RGL2: variants seen among roughly 807,000 people sequenced by gnomAD.
RGL2 encodes the protein ral guanine nucleotide dissociation stimulator-like 2.
Under a neutral mutation model 84.6 loss-of-function variants are expected in RGL2, and 40 were observed. The observed-to-expected ratio is 0.47, with a 90% CI of 0.37 to 0.62. The LOEUF (loss-of-function observed/expected upper bound fraction) is 0.62, where lower values mean the gene tolerates loss of function less well. RGL2 is among the 20% of genes least tolerant of loss of function. The pLI, the probability that RGL2 is intolerant of heterozygous loss-of-function variation, is 0.00. For missense variants in RGL2, 865 were observed against 1,019.7 expected, an observed-to-expected ratio of 0.85 and a Z score of 2.07; for synonymous variants, 369 against 417.3, an observed-to-expected ratio of 0.88 and a Z score of 1.41.
rs750044769 is a variant in RGL2 at position 33,296,004 on chromosome 6, A to T, written c.768+24T>A. 1 of 1,613,072 alleles carries T rather than the reference A, an allele frequency of 6.2e-7. No homozygotes were observed. Among genetic ancestry groups the T allele is most frequent in the Non-Finnish European group, 8.5e-7 (1 of 1,179,622 alleles). ...AGGTTAGTAAGGGGTCAGGGGGCAT[A>T]GGGGCCAGAGGTCAGGGTCTCACCG... On this transcript the variant is annotated intron_variant, in intron 6 of 17. Coordinates refer to ENST00000497454, the MANE Select transcript of RGL2 (RefSeq NM_004761.5). The surrounding 1 kb of genome is among the most constrained non-coding windows in gnomAD (Gnocchi z 5.0).
rs1282253859 is a variant in RGL2 at position 33,293,765 on chromosome 6, C to T, written c.1508+30G>A. ...CCAATCCCCCACACCTGGCCAGAAC[C>T]CTGGAGTCCCAACCTCACCCGCCAG... On this transcript the variant is annotated intron_variant, in intron 13 of 17. Coordinates refer to ENST00000497454, the MANE Select transcript of RGL2 (RefSeq NM_004761.5). This position sits in a 1 kb window ranked among gnomAD's most constrained non-coding sequence, Gnocchi z 7.0. 1 of 1,613,552 alleles carries T rather than the reference C, an allele frequency of 6.2e-7. No homozygotes were observed. Among genetic ancestry groups the T allele is most frequent in the Non-Finnish European group, 8.5e-7 (1 of 1,179,664 alleles).
chr6:33,296,302 G>A lies in RGL2; in HGVS notation c.494C>T (p.Thr165Ile). ...ATCCTCAGGGTGAGAGGCCAGCCAG[G>A]TTGACAGTACAGAGATGGCTACCCT... ...TTEVAISVLSTWLASHPEDFG... is the reference protein window; with the variant it reads ...TTEVAISVLSIWLASHPEDFG... Residue 165 changes from threonine (T) to isoleucine (I), a missense_variant, in exon 6 of 18, where the codon ACC becomes ATC. Around this residue, in one of 5 missense-constraint regions of RGL2, gnomAD observed 455 missense variants for 507.8 expected, o/e 0.90. Coordinates refer to ENST00000497454, the MANE Select transcript of RGL2 (RefSeq NM_004761.5). This position sits in a 1 kb window ranked among gnomAD's most constrained non-coding sequence, Gnocchi z 5.0. The A allele has an allele frequency of 6.2e-7, 1 of 1,613,132 alleles. No homozygotes were observed. The highest frequency in any genetic ancestry group is 1.3e-5 in the African/African-American group (1 of 75,064).
chr6:33,294,557 GA>G lies in RGL2; in HGVS notation c.1353+130del. 1.1e-6 allele frequency: 1 copy of G among 925,272 alleles called. No individual in the cohort carries two copies. The highest frequency in any genetic ancestry group is 1.6e-6 in the Non-Finnish European group (1 of 606,310). The allele number at this position is 925,272 out of a possible 1,614,324, so 57.3% of individuals were successfully genotyped here. A position where few individuals can be genotyped will look rare whatever the true frequency, so the allele number is the denominator to read the frequency against. ...CAGATCACTGAGGCGACTTGGCACAGAAACAGATCTGGCTCTGTCCCACACT... is the reference window on the plus strand; with the variant it reads ...CAGATCACTGAGGCGACTTGGCACAGAACAGATCTGGCTCTGTCCCACACT... On this transcript the variant is annotated intron_variant, in intron 11 of 17. Coordinates refer to ENST00000497454, the MANE Select transcript of RGL2 (RefSeq NM_004761.5). The surrounding 1 kb of genome is among the most constrained non-coding windows in gnomAD (Gnocchi z 5.0).
At position 33,295,940 on chromosome 6, in the gene RGL2, G is replaced by A. The variant is rs1407928798; in HGVS notation, c.768+88C>T. The A allele has an allele frequency of 6.5e-7, 1 of 1,526,764 alleles. No individual in the cohort carries two copies. Among genetic ancestry groups the A allele is most frequent in the Non-Finnish European group, 9.0e-7 (1 of 1,111,742 alleles). The allele number at this position is 1,526,764 out of a possible 1,614,324, so 94.6% of individuals were successfully genotyped here. A position where few individuals can be genotyped will look rare whatever the true frequency, so the allele number is the denominator to read the frequency against. On this transcript the variant is annotated intron_variant, in intron 6 of 17. Coordinates refer to ENST00000497454, the MANE Select transcript of RGL2 (RefSeq NM_004761.5). This position sits in a 1 kb window ranked among gnomAD's most constrained non-coding sequence, Gnocchi z 7.2. ...TGGAGGAGGCTAGGAGCTGGATCAG[G>A]AAGGGGTGGAAGCAAGGAAAGGATC...
upstream of RGL2, chr6:33,299,376 T>G (rs754909852): frequency 1.3e-5 from 2 of 152,170 alleles, no homozygotes; most frequent in Non-Finnish European, 2.9e-5. The surrounding 1 kb of genome is among the most constrained non-coding windows in gnomAD (Gnocchi z 5.0). Context: ...CGAATGTAGC[T>G]GACCGAAATC....
At position 33,296,782 on chromosome 6, in the gene RGL2, G is replaced by A; in HGVS notation, c.241-6C>T. The A allele has an allele frequency of 7.4e-6, 12 of 1,613,998 alleles. No individual in the cohort carries two copies. The highest frequency in any genetic ancestry group is 1.0e-5 in the Non-Finnish European group (12 of 1,180,020). On this transcript the variant is annotated splice_polypyrimidine_tract_variant and splice_region_variant and intron_variant, in intron 3 of 17. Coordinates refer to ENST00000497454, the MANE Select transcript of RGL2 (RefSeq NM_004761.5). The surrounding 1 kb of genome is among the most constrained non-coding windows in gnomAD (Gnocchi z 5.0). ...CGTGGGGGAGGCATAGGGACCTGGAGAACACAGAGAGATGATCGCTAACCC... is the reference window on the plus strand; with the variant it reads ...CGTGGGGGAGGCATAGGGACCTGGAAAACACAGAGAGATGATCGCTAACCC...
rs1369483556 is a variant in RGL2, at chr6:33,296,179, T to C, written c.617A>G (p.Asp206Gly). The change falls in exon 6 of 18, where the codon GAC becomes GGC. Residue 206 changes from aspartate (D) to glycine (G), a missense_variant. Asp to Gly is a moderately conservative substitution (Grantham distance 94). Around this residue, in one of 5 missense-constraint regions of RGL2, gnomAD observed 455 missense variants for 507.8 expected, o/e 0.90. Transcript: ENST00000497454. The surrounding 1 kb of genome is among the most constrained non-coding windows in gnomAD (Gnocchi z 5.0). ...AGKGVGGGSA[D>G]LIRNLRSRVD... ...CCGGGACCGGAGATTGCGGATGAGG[T>C]CAGCGCTGCCCCCCCCAACACCCTT... 3 of 1,613,716 alleles carry C rather than the reference T, an allele frequency of 1.9e-6. No individual in the cohort carries two copies. The highest frequency in any genetic ancestry group is 1.7e-5 in the Admixed American group (1 of 60,010).
intron 17 of RGL2, 56 bp from the exon 18 acceptor site, chr6:33,292,369 G>A (rs1050478192): frequency 1.4e-5 from 22 of 1,607,332 alleles, no homozygotes; most frequent in South Asian, 8.8e-5. Flanking sequence ...CCCCACAGCC[G>A]CCCAGATGTG....
upstream of RGL2, chr6:33,299,217 A>C (rs1393512190): frequency 6.6e-6 from 1 of 152,266 alleles, no homozygotes; most frequent in East Asian, 1.9e-4. This position sits in a 1 kb window ranked among gnomAD's most constrained non-coding sequence, Gnocchi z 5.0. Flanking sequence ...TAAAGATTCC[A>C]GTCTCCAGCC....
rs778296864 is a variant in RGL2, at chr6:33,296,274, A to G, written c.522T>C (p.Phe174=). The G allele has an allele frequency of 1.6e-5, 26 of 1,613,738 alleles. No homozygotes were observed. The Admixed American group carries it at 4.0e-4, about 25-fold the overall frequency. The change falls in exon 6 of 18, where the codon TTT becomes TTC. Residue 174 remains phenylalanine, a synonymous_variant. Transcript: ENST00000497454. The surrounding 1 kb of genome is among the most constrained non-coding windows in gnomAD (Gnocchi z 5.0). ...STWLASHPED[F]GSEAKGQLDR... is the part of the protein sequence containing the mutation. ...CAAGCTGACCCTTGGCCTCAGAGCC[A>G]AAATCCTCAGGGTGAGAGGCCAGCC...
At position 33,295,759 on chromosome 6, in the gene RGL2, C is replaced by G; in HGVS notation, c.769G>C (p.Glu257Gln). ...GAGGGGATCAAATTGAGAAAAAGTT[C>G]CTGCAGGGTAGAGGTCAGAGGTTAA... Reference protein sequence around the residue: ...LAEQLTLLDAELFLNLIPSQC... With the variant: ...LAEQLTLLDAQLFLNLIPSQC... Residue 257 changes from glutamate to glutamine, a missense_variant and splice_region_variant, in exon 7 of 18, where the codon GAA (glutamate) becomes CAA (glutamine). Coordinates refer to ENST00000497454, the MANE Select transcript of RGL2 (RefSeq NM_004761.5). This position sits in a 1 kb window ranked among gnomAD's most constrained non-coding sequence, Gnocchi z 7.2. 1.9e-6 allele frequency: 3 copies of G among 1,612,896 alleles called. No individual in the cohort carries two copies. Among genetic ancestry groups the G allele is most frequent in the African/African-American group, 2.7e-5 (2 of 75,014 alleles).
rs1768126766 is a variant in RGL2 at position 33,297,742 on chromosome 6, AGCCCCT to A, written c.157-633_157-628del. 1 of 152,402 alleles carries A rather than the reference AGCCCCT, an allele frequency of 6.6e-6. No individual in the cohort carries two copies. The highest frequency in any genetic ancestry group is 1.5e-5 in the Non-Finnish European group (1 of 68,252). The allele number at this position is 152,402 out of a possible 1,614,324, so 9.4% of individuals were successfully genotyped here. A position where few individuals can be genotyped will look rare whatever the true frequency, so the allele number is the denominator to read the frequency against. ...TAGACTCAGAGAGTCACGTGGCCCC[AGCCCCT>A]CCCCCGACCGATCCCGAAAAACCAG... is the stretch of plus-strand genomic sequence containing the variant. On this transcript the variant is annotated intron_variant, in intron 2 of 17. Transcript: ENST00000497454. This position sits in a 1 kb window ranked among gnomAD's most constrained non-coding sequence, Gnocchi z 4.0.
Position 33,293,773 on chromosome 6 carries a change from C to CA in RGL2, c.1508+21_1508+22insT. 6.2e-7 allele frequency: 1 copy of CA among 1,613,848 alleles called. No homozygotes were observed. The highest frequency in any genetic ancestry group is 8.5e-7 in the Non-Finnish European group (1 of 1,179,782). ...CCACACCTGGCCAGAACCCTGGAGT[C>CA]CCAACCTCACCCGCCAGTCACCTCT... On this transcript the variant is annotated intron_variant, in intron 13 of 17. Transcript: ENST00000497454. This position sits in a 1 kb window ranked among gnomAD's most constrained non-coding sequence, Gnocchi z 7.0.
Position 33,296,560 on chromosome 6 carries a change from C to A in RGL2, c.419+38G>T, listed in dbSNP as rs1466062205. Reference sequence around the variant, plus strand: ...ATGTTGCGGCTTTAGGAAATCCGGGCAGATACTCCACTACCCTGCGTCCCT... The same window carrying A: ...ATGTTGCGGCTTTAGGAAATCCGGGAAGATACTCCACTACCCTGCGTCCCT... On this transcript the variant is annotated intron_variant, in intron 4 of 17. Transcript: ENST00000497454. This position sits in a 1 kb window ranked among gnomAD's most constrained non-coding sequence, Gnocchi z 5.0. 1.7e-5 allele frequency: 27 copies of A among 1,589,712 alleles called. No individual in the cohort carries two copies. Among genetic ancestry groups the A allele is most frequent in the Non-Finnish European group, 2.3e-5 (27 of 1,166,956 alleles).
In RGL2 at chr6:33,294,712, A is replaced by G. The variant is rs1004278805; in HGVS notation, c.1329T>C (p.Asp443=). The change falls in exon 11 of 18, where the codon GAT becomes GAC. Residue 443 remains aspartate, a synonymous_variant. Coordinates refer to ENST00000497454, the MANE Select transcript of RGL2 (RefSeq NM_004761.5). This position sits in a 1 kb window ranked among gnomAD's most constrained non-coding sequence, Gnocchi z 5.0. ...GTFLKDLVML[D]AASKDELENG... Reference sequence around the variant, plus strand: ...CCTCCAACTCATCCTTGGAGGCTGCATCCAGCATCACAAGGTCCTTCAGGA... The same window carrying G: ...CCTCCAACTCATCCTTGGAGGCTGCGTCCAGCATCACAAGGTCCTTCAGGA... The G allele has an allele frequency of 1.2e-5, 20 of 1,613,930 alleles. No individual in the cohort carries two copies. Among genetic ancestry groups the G allele is most frequent in the Non-Finnish European group, 1.3e-5 (15 of 1,180,002 alleles).
rs539423364 is a variant in RGL2, at chr6:33,295,496, C to A, written c.1020+12G>T. On this transcript the variant is annotated intron_variant, in intron 7 of 17. Coordinates refer to ENST00000497454, the MANE Select transcript of RGL2 (RefSeq NM_004761.5). The surrounding 1 kb of genome is among the most constrained non-coding windows in gnomAD (Gnocchi z 7.2). ...CCATGGCCACAAACCGTAGGGCAAT[C>A]TTCTCTCTCACCTCTGCCACGCGGA... is the stretch of plus-strand genomic sequence containing the variant. 5.6e-6 allele frequency: 9 copies of A among 1,613,176 alleles called. No homozygotes were observed. The highest frequency in any genetic ancestry group is 1.7e-4 in the Middle Eastern group (1 of 6,060).
In RGL2 at chr6:33,298,090, G is replaced by A. The variant is rs578128035; in HGVS notation, c.156+365C>T. The A allele has an allele frequency of 7.0e-5, 12 of 171,802 alleles. No individual in the cohort carries two copies. In the South Asian group the frequency reaches 1.5e-3, roughly 22 times the overall value. The allele number at this position is 171,802 out of a possible 1,614,324, so 10.6% of individuals were successfully genotyped here. On this transcript the variant is annotated intron_variant, in intron 2 of 17. Transcript: ENST00000497454. The surrounding 1 kb of genome is among the most constrained non-coding windows in gnomAD (Gnocchi z 4.8). ...CCCAGAGTCAGAGGAGCTGGTTACT[G>A]TGGAAACAAACCCCTCCCCGCCAAA...
rs985150306 is a variant in RGL2, at chr6:33,298,257, T to G, written c.156+198A>C. 3.9e-6 allele frequency: 2 copies of G among 515,300 alleles called. No individual in the cohort carries two copies. Among genetic ancestry groups the G allele is most frequent in the Admixed American group, 3.9e-5 (1 of 25,418 alleles). The allele number at this position is 515,300 out of a possible 1,614,324, so 31.9% of individuals were successfully genotyped here. A position where few individuals can be genotyped will look rare whatever the true frequency, so the allele number is the denominator to read the frequency against. ...TCCAGGCAGGAACAGGGCAGGTTCCTGCGGGCAGGTCCTGAGTCACACTGA... is the reference window on the plus strand; with the variant it reads ...TCCAGGCAGGAACAGGGCAGGTTCCGGCGGGCAGGTCCTGAGTCACACTGA... On this transcript the variant is annotated intron_variant, in intron 2 of 17. Coordinates refer to ENST00000497454, the MANE Select transcript of RGL2 (RefSeq NM_004761.5). The surrounding 1 kb of genome is among the most constrained non-coding windows in gnomAD (Gnocchi z 4.8).
At position 33,293,303 on chromosome 6, in the gene RGL2, T is replaced by C. The variant is rs762428773; in HGVS notation, c.1720A>G (p.Met574Val). The C allele has an allele frequency of 1.2e-5, 19 of 1,552,212 alleles. No homozygotes were observed. Among genetic ancestry groups the C allele is most frequent in the Non-Finnish European group, 1.7e-6 (2 of 1,150,526 alleles). The change falls in exon 16 of 18, where the codon ATG becomes GTG. Residue 574 changes from methionine (M) to valine (V), a missense_variant. Around this residue, in one of 5 missense-constraint regions of RGL2, gnomAD observed 302 missense variants for 327.9 expected, o/e 0.92. Coordinates refer to ENST00000497454, the MANE Select transcript of RGL2 (RefSeq NM_004761.5). This position sits in a 1 kb window ranked among gnomAD's most constrained non-coding sequence, Gnocchi z 7.0. ...AGTGACGAGACAGATGGCCACTTCA[T>C]GTGCTAGGAACAAACAACATGGGAC... ...APLLTRLAQH[M>V]KWPSVSSLDS...
Sources: gnomAD v4.1 joint callset for allele counts on GRCh38, gnomAD v4.1.1 for gene constraint, gnomAD v4.1.1 regional missense constraint, Gnocchi (gnomAD v3.1) non-coding constraint, MANE v1.5 for transcripts, NCBI Gene and HGNC (gene_info 2026-07-23, HGNC 2026-07-21) for gene names.